ZNF718: variants seen among roughly 807,000 people sequenced by gnomAD.
ZNF718 encodes zinc finger protein 718.
A neutral mutation model predicts 2.6 loss-of-function variants in ZNF718; 3 were observed. The observed-to-expected ratio is 1.16, with a 90% CI of 0.53 to 3.01. ZNF718 has a LOEUF of 3.01. Among genes scored for constraint, ZNF718 ranks in the 30% most tolerant of loss-of-function variants. ZNF718 has a pLI of 0.03. For missense variants in ZNF718, 468 were observed against 230.0 expected, an observed-to-expected ratio of 2.03 and a Z score of -6.69; for synonymous variants, 135 against 77.9, an observed-to-expected ratio of 1.73 and a Z score of -3.86.
At chr4:178,037 A>G (rs533766932) in intron 3 of ZNF718, among the ~76,000 whole-genome samples, 1 of 152,248 alleles carries the variant, frequency 6.6e-6, no homozygotes, top group African/African-American at 2.4e-5. Context: ...AATTGCTCAT[A>G]CTGTGGTTAA....
At chr4:151,614 G>A (rs1716326776) in intron 3 of ZNF718, among the ~76,000 whole-genome samples, 1 of 152,028 alleles carries the variant, frequency 6.6e-6, no homozygotes, top group Non-Finnish European at 1.5e-5. Flanking sequence ...GCAAGTAGCT[G>A]GGACTACAGG....
At chr4:168,279 G>T (rs942213821), downstream of ZNF718, among the ~76,000 whole-genome samples, 7 of 152,114 alleles carry the variant, frequency 4.6e-5, no homozygotes, top group Non-Finnish European at 1.0e-4. Flanking sequence ...TTTTCACATT[G>T]ATGTTCATCA....
At chr4:189,835 T>C (rs911880689) in intron 3 of ZNF718, among the ~76,000 whole-genome samples, 1 of 152,218 alleles carries the variant, frequency 6.6e-6, no homozygotes, top group Admixed American at 6.5e-5. Context: ...AAATAGGTGC[T>C]GGATTTGTCA....
At position 140,315 on chromosome 4, in the gene ZNF718, C is replaced by T. The variant is rs144388782; in HGVS notation, c.226+8810C>T. ...GTGGGTCCTGCGGACCTCAACCTTC[C>T]CAAAGGGGACGTTCTTGGCAGAGGT... On this transcript the variant is annotated intron_variant, in intron 3 of 3. Coordinates refer to ENST00000510175, the MANE Select transcript of ZNF718 (RefSeq NM_001039127.6). 3.7e-3 allele frequency among the ~76,000 whole-genome samples: 558 copies of T among 152,274 alleles called. 6 individuals carry two copies. The highest frequency in any genetic ancestry group is 0.013 in the African/African-American group (530 of 41,546).
At chr4:138,646 G>A (rs1715679256) in intron 3 of ZNF718, among the ~76,000 whole-genome samples, 1 of 151,946 alleles carries the variant, frequency 6.6e-6, no homozygotes, top group Non-Finnish European at 1.5e-5. Context: ...TACATACCTA[G>A]CAATGGGATT....
At chr4:164,927 C>G (rs782725375), downstream of ZNF718, among the ~76,000 whole-genome samples, 1 of 151,986 alleles carries the variant, frequency 6.6e-6, no homozygotes, top group Admixed American at 6.6e-5. Flanking sequence ...ATTTGTAGGT[C>G]CAAGTAAGAG....
At chr4:125,803 C>A (rs114267601) in intron 1 of ZNF718, among the ~76,000 whole-genome samples, 1 of 152,204 alleles carries the variant, frequency 6.6e-6, no homozygotes, top group Admixed American at 6.5e-5. Flanking sequence ...CCACACCTGG[C>A]CTAAGACAGG....
chr4:129,911 C>T (rs1237580991), intron 1 of ZNF718, among the ~76,000 whole-genome samples: 1 of 104,750 alleles, frequency 9.5e-6, no homozygotes, highest in African/African-American at 3.3e-5. Context: ...CTTCCCAGCA[C>T]ACTGCTCTAT....
At chr4:141,852 G>A (rs77294947) in intron 3 of ZNF718, among the ~76,000 whole-genome samples, 1 of 152,016 alleles carries the variant, frequency 6.6e-6, no homozygotes, top group Non-Finnish European at 1.5e-5. Context: ...AGGTATATTT[G>A]GTCACCTGGT....
At chr4:180,799 T>A (rs1388565827) in intron 3 of ZNF718, among the ~76,000 whole-genome samples, 1 of 152,214 alleles carries the variant, frequency 6.6e-6, no homozygotes, top group Non-Finnish European at 1.5e-5. Flanking sequence ...AGTAATAATA[T>A]TGAAACATTT....
At chr4:137,553 A>G (rs954160252) in intron 3 of ZNF718, among the ~76,000 whole-genome samples, 2 of 152,178 alleles carry the variant, frequency 1.3e-5, no homozygotes, top group African/African-American at 2.4e-5. Context: ...TCCAATTAAT[A>G]CACGATAATA....
intron 3 of ZNF718, 25 bp downstream of exon 3, chr4:131,530 G>C: frequency 2.5e-6 from 1 of 395,060 alleles, no homozygotes; most frequent in Non-Finnish European, 4.2e-6. Context: ...ATGGAGGAGA[G>C]GACACAGACA....
At chr4:145,529 A>G (rs1716010607) in intron 3 of ZNF718, among the ~76,000 whole-genome samples, 1 of 152,166 alleles carries the variant, frequency 6.6e-6, no homozygotes, top group South Asian at 2.1e-4. Context: ...CAGTACATTC[A>G]CAGCTTAGTG....
Position 182,970 on chromosome 4 carries a change from GTTTCTT to G in ZNF718, c.227-18105_227-18100del, listed in dbSNP as rs782719641. Among the ~76,000 whole-genome samples the G allele has an allele frequency of 2.0e-5, 3 of 152,116 alleles. No individual in the cohort carries two copies. In the South Asian group the frequency reaches 6.2e-4, roughly 31 times the overall value. On this transcript the variant is annotated intron_variant and NMD_transcript_variant, in intron 3 of 4. Transcript: ENST00000642529. ...AGGTTGTCTGTTTACTCTGTTGACA[GTTTCTT>G]TTTCTGTGCAGAAGCTCTTTAGTTT...
At chr4:166,232 T>G (rs1230665418), downstream of ZNF718, among the ~76,000 whole-genome samples, 7 of 152,252 alleles carry the variant, frequency 4.6e-5, no homozygotes, top group Non-Finnish European at 7.3e-5. Context: ...TGCCACATTT[T>G]CTTAATCCAG....
Position 128,731 on chromosome 4 carries a change from C to A in ZNF718, c.4-2057C>A, listed in dbSNP as rs1262481149. On this transcript the variant is annotated intron_variant, in intron 1 of 3. Coordinates refer to ENST00000510175, the MANE Select transcript of ZNF718 (RefSeq NM_001039127.6). ...AGTCTGACAAGGTCTAATTCTGCTC[C>A]CATTTCAGAGGAAGATAAGTGACTC... Among the ~76,000 whole-genome samples, 17 of 103,162 alleles carry A rather than the reference C, an allele frequency of 1.6e-4. 4 individuals are homozygous for A. Among genetic ancestry groups the A allele is most frequent in the African/African-American group, 5.4e-4 (16 of 29,730 alleles). 67.7% of individuals were successfully genotyped at this position (103,162 alleles called of 152,430 possible).
chr4:138,763 A>G (rs1715683859), intron 3 of ZNF718, among the ~76,000 whole-genome samples: 1 of 152,136 alleles, frequency 6.6e-6, no homozygotes, highest in Non-Finnish European at 1.5e-5. Context: ...ACTAGAGTTC[A>G]ACTTTCACTT....
At chr4:183,643 G>T (rs1717509274) in intron 3 of ZNF718, among the ~76,000 whole-genome samples, 1 of 152,154 alleles carries the variant, frequency 6.6e-6, no homozygotes, top group East Asian at 1.9e-4. Context: ...TATGGGCATG[G>T]AATGTATTTC....
intron 3 of ZNF718, among the ~76,000 whole-genome samples, chr4:171,430 TGCC>T (rs1717226348): frequency 6.6e-6 from 1 of 152,172 alleles, no homozygotes; most frequent in African/African-American, 2.4e-5. Flanking sequence ...GGCTGTGCCC[TGCC>T]CCCCAGAGGT....
Sources: allele counts gnomAD v4.1 joint callset (sites outside exome capture counted in the v4.1 genomes callset), GRCh38; gene constraint gnomAD v4.1.1; transcripts MANE v1.5; gene names NCBI Gene and HGNC (gene_info 2026-07-23, HGNC 2026-07-21).